LRRIQ3: variants seen among roughly 807,000 people sequenced by gnomAD.
LRRIQ3 encodes the protein leucine rich repeats and IQ motif containing 3.
A neutral mutation model predicts 59.3 loss-of-function variants in LRRIQ3; 75 were observed. That is an observed-to-expected ratio of 1.26 (90% CI 1.05 to 1.53). LRRIQ3 has a LOEUF of 1.53. Among genes scored for constraint, LRRIQ3 ranks in the 40% most tolerant of loss-of-function variants. LRRIQ3 has a pLI of 0.00. For synonymous variants in LRRIQ3, 250 were observed against 231.3 expected (o/e 1.08, Z -0.73); for missense variants, 831 against 710.0 (o/e 1.17, Z -1.94).
At chr1:74,170,407 T>G (rs1301418042) in intron 3 of LRRIQ3, among the ~76,000 whole-genome samples, 1 of 152,222 alleles carries the variant, frequency 6.6e-6, no homozygotes, top group Non-Finnish European at 1.5e-5. Context: ...CTCAACATCA[T>G]CTATTGAAGA....
At chr1:74,055,180 T>TTATATATATATATATATATATATA (rs57279520) in intron 6 of LRRIQ3, among the ~76,000 whole-genome samples, 1 of 139,970 alleles carries the variant, frequency 7.1e-6, no homozygotes, top group African/African-American at 2.7e-5. Context: ...CATATACACT[T>TTATATATATATATATATATATATA]TATATATATA....
intron 5 of LRRIQ3, among the ~76,000 whole-genome samples, chr1:74,106,575 C>A (rs910439567): frequency 6.6e-6 from 1 of 151,908 alleles, no homozygotes; most frequent in African/African-American, 2.4e-5. Flanking sequence ...AATTACCACA[C>A]AGTCCAGCCT....
intron 1 of LRRIQ3, among the ~76,000 whole-genome samples, chr1:74,196,720 T>C (rs920742700): frequency 6.6e-6 from 1 of 152,198 alleles, no homozygotes; most frequent in Admixed American, 6.5e-5. Flanking sequence ...CAGCACATTT[T>C]ATTGTTTTTG....
intron 6 of LRRIQ3, among the ~76,000 whole-genome samples, chr1:74,058,395 G>C (rs972021471): frequency 6.6e-6 from 1 of 151,682 alleles, no homozygotes; most frequent in Non-Finnish European, 1.5e-5. Flanking sequence ...AAATAAAATG[G>C]AATGAAATCT....
intron 3 of LRRIQ3, among the ~76,000 whole-genome samples, chr1:74,163,371 C>T (rs555830072): frequency 6.6e-6 from 1 of 151,662 alleles, no homozygotes; most frequent in South Asian, 2.1e-4. Context: ...ATAAGGATCA[C>T]TTGGTAAACA....
At chr1:74,036,133 G>A (rs1184719392) in intron 7 of LRRIQ3, among the ~76,000 whole-genome samples, 1 of 151,982 alleles carries the variant, frequency 6.6e-6, no homozygotes, top group Non-Finnish European at 1.5e-5. Context: ...TGATTTTGGA[G>A]TAGCAAAAAA....
chr1:74,064,760 C>T (rs1012982207), intron 6 of LRRIQ3, among the ~76,000 whole-genome samples: 4 of 152,084 alleles, frequency 2.6e-5, no homozygotes, highest in African/African-American at 9.6e-5. Flanking sequence ...TATCTCACTG[C>T]CTCTGGCCTC....
chr1:74,102,039 C>T (rs1161173510), intron 5 of LRRIQ3, among the ~76,000 whole-genome samples: 2 of 150,798 alleles, frequency 1.3e-5, no homozygotes, highest in Admixed American at 6.6e-5. Flanking sequence ...GCACATGTAC[C>T]CTAGAACTTA....
chr1:74,138,571 T>C, intron 4 of LRRIQ3: 1 of 836,888 alleles, frequency 1.2e-6, no homozygotes, highest in Non-Finnish European at 1.4e-6. Flanking sequence ...GAGAGTGAAA[T>C]GGCCTTTGTT....
intron 6 of LRRIQ3, among the ~76,000 whole-genome samples, chr1:74,050,315 A>C (rs1654334966): frequency 6.6e-6 from 1 of 152,170 alleles, no homozygotes; most frequent in Non-Finnish European, 1.5e-5. Flanking sequence ...TTTTTGACAC[A>C]AAGGCAACAA....
chr1:74,126,856 T>G (rs916795036), intron 4 of LRRIQ3, among the ~76,000 whole-genome samples: 1 of 151,986 alleles, frequency 6.6e-6, no homozygotes, highest in Non-Finnish European at 1.5e-5. Flanking sequence ...TAAATATCTA[T>G]TAGGTCTATT....
At chr1:74,151,633 A>G (rs1647975973) in intron 4 of LRRIQ3, among the ~76,000 whole-genome samples, 1 of 152,166 alleles carries the variant, frequency 6.6e-6, no homozygotes, top group African/African-American at 2.4e-5. Flanking sequence ...TACAATAAAT[A>G]AAAAGTCTAT....
chr1:74,069,972 C>T (rs539921386), intron 6 of LRRIQ3, among the ~76,000 whole-genome samples: 2 of 151,998 alleles, frequency 1.3e-5, no homozygotes, highest in South Asian at 2.1e-4. Flanking sequence ...AGTCAAAAAA[C>T]GACAGATACT....
intron 6 of LRRIQ3, among the ~76,000 whole-genome samples, chr1:74,066,586 A>G (rs1176489539): frequency 6.6e-6 from 1 of 152,136 alleles, no homozygotes; most frequent in Non-Finnish European, 1.5e-5. Flanking sequence ...TTACTGGAAA[A>G]TTGAGTATAC....
chr1:74,092,343 A>T (rs1471609727), intron 5 of LRRIQ3, among the ~76,000 whole-genome samples: 2 of 152,106 alleles, frequency 1.3e-5, no homozygotes, highest in Non-Finnish European at 2.9e-5. Context: ...TATTACACAT[A>T]GCTGAATCTA....
chr1:74,070,710 G>T (rs1355338598), intron 6 of LRRIQ3, among the ~76,000 whole-genome samples: 3 of 151,692 alleles, frequency 2.0e-5, no homozygotes, highest in Non-Finnish European at 4.4e-5. Context: ...TTAGTAAAAA[G>T]AAATCTAAGC....
intron 4 of LRRIQ3, among the ~76,000 whole-genome samples, chr1:74,129,097 A>G (rs1646975612): frequency 6.6e-6 from 1 of 152,032 alleles, no homozygotes; most frequent in African/African-American, 2.4e-5. Flanking sequence ...GTCTTTCAGT[A>G]ACCACTGCCT....
chr1:74,124,050 A>T (rs1363850001), intron 4 of LRRIQ3, among the ~76,000 whole-genome samples: 3 of 151,934 alleles, frequency 2.0e-5, no homozygotes, highest in African/African-American at 7.2e-5. Context: ...CTCTGATAAT[A>T]GCCATTTTAA....
At chr1:74,182,911 T>C in intron 2 of LRRIQ3, 50 bp from the exon 3 acceptor site, 1 of 1,053,390 alleles carries the variant, frequency 9.5e-7, no homozygotes, top group Non-Finnish European at 1.3e-6. Flanking sequence ...TTTTTTCGAA[T>C]AGCACAGAAA....
Sources: allele counts gnomAD v4.1 joint callset (sites outside exome capture counted in the v4.1 genomes callset), GRCh38; gene constraint gnomAD v4.1.1; transcripts MANE v1.5; gene names NCBI Gene and HGNC (gene_info 2026-07-23, HGNC 2026-07-21).